The following SULT2B1 variants were observed in gnomAD, a reference collection of about 807,000 sequenced individuals.
The protein encoded by SULT2B1 is sulfotransferase 2B1.
In SULT2B1, 16 loss-of-function variants were observed where a neutral mutation model predicts 33.2. The ratio of observed to expected loss-of-function variants is 0.48; its 90% CI spans 0.33 to 0.73. The LOEUF (loss-of-function observed/expected upper bound fraction) is 0.73, where lower values mean the gene tolerates loss of function less well. Among genes scored for constraint, SULT2B1 ranks in the 30% least tolerant of loss-of-function variants. The pLI, the probability that SULT2B1 is intolerant of heterozygous loss-of-function variation, is 0.02. For missense variants in SULT2B1, 500 were observed against 506.0 expected, an observed-to-expected ratio of 0.99 and a Z score of 0.11; for synonymous variants, 186 against 200.5, an observed-to-expected ratio of 0.93 and a Z score of 0.61.
chr19:48,554,854 T>C (rs1368976946), intron 1 of SULT2B1, among the ~76,000 whole-genome samples: 1 of 150,886 alleles, frequency 6.6e-6, no homozygotes, highest in Admixed American at 6.6e-5. Flanking sequence ...CCCAGAGAGG[T>C]TGAGTAACTT....
At chr19:48,578,227 G>A (rs10424237) in intron 2 of SULT2B1, among the ~76,000 whole-genome samples, 1 of 151,686 alleles carries the variant, frequency 6.6e-6, no homozygotes, top group African/African-American at 2.4e-5. Context: ...AATAGAAAAA[G>A]GTACAATTCA....
At chr19:48,597,655 T>TTTTTTTTTTTC (rs1973738581) in intron 6 of SULT2B1, among the ~76,000 whole-genome samples, 2 of 4,548 alleles carry the variant, frequency 4.4e-4, no homozygotes, top group South Asian at 0.02. Flanking sequence ...TTCTTTTTTC[T>TTTTTTTTTTTC]TTTTTGAGAC....
At chr19:48,572,118 G>C (rs915565348) in intron 1 of SULT2B1, among the ~76,000 whole-genome samples, 5 of 152,136 alleles carry the variant, frequency 3.3e-5, no homozygotes, top group African/African-American at 7.2e-5. Context: ...GCCCTTTCCT[G>C]GGATTGGAGG....
At chr19:48,581,477 T>TTTG (rs1407881299) in intron 2 of SULT2B1, among the ~76,000 whole-genome samples, 1 of 145,834 alleles carries the variant, frequency 6.9e-6, no homozygotes, top group Non-Finnish European at 1.5e-5. Context: ...TGAGAGTTTT[T>TTTG]TTTTTTTTTT....
In SULT2B1 at chr19:48,575,947, G is replaced by C; in HGVS notation, c.78G>C (p.Lys26Asn). ...CTCCCCCACCTTTCCACAGCCAGAA[G>C]TTGCCAGGTGAATACTTCCGGTACA... is the stretch of plus-strand genomic sequence containing the variant. The part of the protein sequence containing the change: ...YEDDISEISQ[K>N]LPGEYFRYKG... The change falls in exon 2 of 7, where the codon AAG becomes AAC. Residue 26 changes from lysine (K) to asparagine (N), a missense_variant. Transcript: ENST00000201586. 6.2e-7 allele frequency: 1 copy of C among 1,612,232 alleles called. No homozygotes were observed. Among genetic ancestry groups the C allele is most frequent in the Non-Finnish European group, 8.5e-7 (1 of 1,178,488 alleles).
At chr19:48,576,105 T>C (rs1656598708) in intron 2 of SULT2B1, 22 bp downstream of exon 2, 1 of 1,577,704 alleles carries the variant, frequency 6.3e-7, no homozygotes, top group Non-Finnish European at 8.7e-7. Flanking sequence ...GCTGCGGGCG[T>C]CGGGGGCTGG....
chr19:48,564,749 G>C (rs569232732), intron 1 of SULT2B1, among the ~76,000 whole-genome samples: 100 of 151,876 alleles, frequency 6.6e-4, no homozygotes, highest in African/African-American at 2.3e-3. Flanking sequence ...TTTTATCACA[G>C]ATCTTTGCAT....
chr19:48,574,197 G>A (rs556840093), intron 1 of SULT2B1, among the ~76,000 whole-genome samples: 1 of 152,236 alleles, frequency 6.6e-6, no homozygotes, highest in Non-Finnish European at 1.5e-5. Flanking sequence ...AGCACCCAAG[G>A]CTGAGAACTG....
chr19:48,576,365 T>TTC (rs1191478850), intron 2 of SULT2B1, among the ~76,000 whole-genome samples: 8 of 127,464 alleles, frequency 6.3e-5, no homozygotes, highest in African/African-American at 2.4e-4. Context: ...TTCTCTTTTT[T>TTC]TTTTTTTTTT....
At chr19:48,576,503 A>G (rs1159221281) in intron 2 of SULT2B1, among the ~76,000 whole-genome samples, 2 of 142,510 alleles carry the variant, frequency 1.4e-5, no homozygotes, top group Non-Finnish European at 3.0e-5. Flanking sequence ...GACCATTTTT[A>G]TTTTTATTTT....
At chr19:48,560,072 C>T (rs565458410) in intron 1 of SULT2B1, among the ~76,000 whole-genome samples, 1 of 152,096 alleles carries the variant, frequency 6.6e-6, no homozygotes, top group African/African-American at 2.4e-5. Context: ...GTAGAAAGGA[C>T]TGCCCTCAGG....
At chr19:48,555,343 T>C (rs565236004) in intron 1 of SULT2B1, among the ~76,000 whole-genome samples, 1 of 152,274 alleles carries the variant, frequency 6.6e-6, no homozygotes, top group African/African-American at 2.4e-5. Context: ...CCACCCGCCT[T>C]GGTCTCCCAA....
chr19:48,583,004 AGC>A (rs1241864539), intron 2 of SULT2B1, among the ~76,000 whole-genome samples: 2 of 146,656 alleles, frequency 1.4e-5, no homozygotes, highest in Non-Finnish European at 3.0e-5. Context: ...AAAAAAAATT[AGC>A]CAGGCGTGGT....
chr19:48,588,122 A>G (rs912217207), intron 3 of SULT2B1, among the ~76,000 whole-genome samples: 18 of 151,192 alleles, frequency 1.2e-4, no homozygotes, highest in Non-Finnish European at 1.8e-4. Context: ...AGGCAGGAGA[A>G]TTGCTGGAAC....
At chr19:48,563,974 A>G (rs1973211525) in intron 1 of SULT2B1, among the ~76,000 whole-genome samples, 2 of 145,324 alleles carry the variant, frequency 1.4e-5, no homozygotes. Flanking sequence ...AAAAAAAAAA[A>G]CAAAAGAAGA....
At chr19:48,587,027 G>T (rs949972692) in intron 2 of SULT2B1, among the ~76,000 whole-genome samples, 1 of 152,024 alleles carries the variant, frequency 6.6e-6, no homozygotes. Context: ...CAGGAGAATT[G>T]CTTGAGCCTG....
rs1351190160 is a variant in SULT2B1, at chr19:48,576,018, G to A, written c.149G>A (p.Ser50Asn). Residue 50 changes from serine to asparagine, a missense_variant, in exon 2 of 7, where the codon AGC (serine) becomes AAC (asparagine). By Grantham distance (46) the Ser-to-Asn change is conservative (BLOSUM62 1). Transcript: ENST00000201586. Reference sequence around the variant, plus strand: ...GGCCTGTACTCGCTCGAGAGCATCAGCTTGGCGGAGAACACCCAAGATGTG... The same window carrying A: ...GGCCTGTACTCGCTCGAGAGCATCAACTTGGCGGAGAACACCCAAGATGTG... ...PVGLYSLESISLAENTQDVRD... is the reference protein window; with the variant it reads ...PVGLYSLESINLAENTQDVRD... 6.2e-7 allele frequency: 1 copy of A among 1,613,870 alleles called. No homozygotes were observed. The highest frequency in any genetic ancestry group is 1.3e-5 in the African/African-American group (1 of 74,902).
chr19:48,591,472 CAAAA>C, intron 3 of SULT2B1, 133 bp from the exon 4 acceptor site: 5 of 912,080 alleles, frequency 5.5e-6, no homozygotes, highest in Non-Finnish European at 7.6e-6. Flanking sequence ...GACTCCATCG[CAAAA>C]AAAAAAGAGT....
intron 1 of SULT2B1, among the ~76,000 whole-genome samples, chr19:48,570,798 C>T (rs542019016): frequency 1.3e-5 from 2 of 151,902 alleles, no homozygotes; most frequent in African/African-American, 4.8e-5. Flanking sequence ...GATCTCGGCT[C>T]ACTGCAACCT....
Sources: gnomAD v4.1 joint callset for allele counts (sites outside exome capture counted in the v4.1 genomes callset) on GRCh38, gnomAD v4.1.1 for gene constraint, MANE v1.5 for transcripts, NCBI Gene and HGNC (gene_info 2026-07-23, HGNC 2026-07-21) for gene names.